Variants in PRPF8 observed in about 807,000 individuals in gnomAD.
PRPF8 encodes pre-mRNA processing factor 8.
PRPF8 carries 64 observed loss-of-function variants against 285.9 expected under a neutral mutation model. The observed-to-expected ratio is 0.22, with a 90% CI of 0.18 to 0.28. PRPF8 has a LOEUF of 0.28. Ranked by LOEUF, PRPF8 falls within the 10% of genes least tolerant of loss-of-function variation. The pLI is 1.00. For synonymous variants in PRPF8, 1,325 were observed against 1,118.2 expected (o/e 1.18, Z -3.69); for missense variants, 1,426 against 3,026.7 (o/e 0.47, Z 12.41).
rs558778125 is a variant in PRPF8, at chr17:1,658,408, T to G, written c.5377-27A>C. On this transcript the variant is annotated intron_variant, in intron 33 of 42. Coordinates refer to ENST00000304992, the MANE Select transcript of PRPF8 (RefSeq NM_006445.4). The surrounding 1 kb of genome is among the most constrained non-coding windows in gnomAD (Gnocchi z 4.1). ...TAGAGGAGGACGGCATTCGTTAGCA[T>G]GGCCTACACAACACATCCCCATCCT... is the stretch of plus-strand genomic sequence containing the variant. 4 of 1,614,084 alleles carry G rather than the reference T, an allele frequency of 2.5e-6. No homozygotes were observed. The highest frequency in any genetic ancestry group is 2.5e-6 in the Non-Finnish European group (3 of 1,180,044).
intron 24 of PRPF8, among the ~76,000 whole-genome samples, chr17:1,663,491 G>A (rs544773731): frequency 1.7e-4 from 26 of 150,030 alleles, no homozygotes; most frequent in East Asian, 9.9e-4. Flanking sequence ...GGCGGGCCTC[G>A]GGGTCAGGAG....
At position 1,681,832 on chromosome 17, in the gene PRPF8, C is replaced by T. The variant is rs1400838055; in HGVS notation, c.641G>A (p.Arg214Lys). 2 of 1,614,070 alleles carry T rather than the reference C, an allele frequency of 1.2e-6. No homozygotes were observed. Among genetic ancestry groups the T allele is most frequent in the Non-Finnish European group, 1.7e-6 (2 of 1,180,020 alleles). Residue 214 changes from arginine (R) to lysine (K), a missense_variant, in exon 5 of 43, where the codon AGG (arginine) becomes AAG (lysine). This residue lies in a region of PRPF8 where 157 missense variants were observed against 159.6 expected (regional missense o/e 0.98). Coordinates refer to ENST00000304992, the MANE Select transcript of PRPF8 (RefSeq NM_006445.4). ...LDWFYDHQPL[R>K]DSRKYVNGST... ...ATCTATCACTCACTTCCTGCTGTCCCTCAACGGCTGGTGGTCATAGAACCA... is the reference window on the plus strand; with the variant it reads ...ATCTATCACTCACTTCCTGCTGTCCTTCAACGGCTGGTGGTCATAGAACCA...
intron 34 of PRPF8, among the ~76,000 whole-genome samples, chr17:1,657,966 G>A (rs536668700): frequency 2.5e-4 from 32 of 130,238 alleles, no homozygotes; most frequent in East Asian, 2.0e-3. Flanking sequence ...GCGAGACTCC[G>A]GCTAAAAAAA....
Position 1,676,225 on chromosome 17 carries a change from C to T in PRPF8, c.2534G>A (p.Arg845Gln), listed in dbSNP as rs1912596279. The T allele has an allele frequency of 6.2e-7, 1 of 1,613,870 alleles. No individual in the cohort carries two copies. Among genetic ancestry groups the T allele is most frequent in the Non-Finnish European group, 8.5e-7 (1 of 1,180,030 alleles). The change falls in exon 17 of 43, where the codon CGG becomes CAG. Residue 845 changes from arginine (R) to glutamine (Q), a missense_variant. Arg to Gln is a conservative substitution (Grantham distance 43, BLOSUM62 1). Transcript: ENST00000304992. The surrounding 1 kb of genome is among the most constrained non-coding windows in gnomAD (Gnocchi z 6.3). The stretch of plus-strand genomic sequence containing the variant: ...TACTCACCTATAAGCTTCCTTGAGC[C>T]GCTCCAATGCCAAGATGAGCAACTT... ...DTKLLILALERLKEAYSVKSR... is the reference protein window; with the variant it reads ...DTKLLILALEQLKEAYSVKSR...
rs1911049822 is a variant in PRPF8 at position 1,651,353 on chromosome 17, TC to T, written c.6651-44del. The T allele has an allele frequency of 1.9e-6, 3 of 1,613,976 alleles. No homozygotes were observed. The East Asian group carries it at 6.7e-5, about 36-fold the overall frequency. ...ACAGAGTAACAGCTCAGGCCACTGT[TC>T]TGGGCCCTGGCCTGCAATCCCTGCC... On this transcript the variant is annotated intron_variant, in intron 41 of 42. Coordinates refer to ENST00000304992, the MANE Select transcript of PRPF8 (RefSeq NM_006445.4). The surrounding 1 kb of genome is among the most constrained non-coding windows in gnomAD (Gnocchi z 5.1).
intron 24 of PRPF8, among the ~76,000 whole-genome samples, chr17:1,664,644 G>T (rs1401365998): frequency 6.6e-6 from 1 of 151,038 alleles, no homozygotes; most frequent in Non-Finnish European, 1.5e-5. Context: ...ACCTCTAAAT[G>T]AATTAATTAT....
rs1379002460 is a variant in PRPF8, at chr17:1,655,450, C to G, written c.5887G>C (p.Glu1963Gln). 1 of 1,614,022 alleles carries G rather than the reference C, an allele frequency of 6.2e-7. No individual in the cohort carries two copies. The highest frequency in any genetic ancestry group is 1.7e-5 in the Admixed American group (1 of 59,988). Residue 1963 changes from glutamate to glutamine, a missense_variant, in exon 37 of 43, where the codon GAA becomes CAA. Around this residue, in one of 34 missense-constraint regions of PRPF8, gnomAD observed 35 missense variants for 47.7 expected, o/e 0.73. Coordinates refer to ENST00000304992, the MANE Select transcript of PRPF8 (RefSeq NM_006445.4). ...ILKPDKTTIT[E>Q]PHHIWPTLTD... is the part of the protein sequence containing the mutation. Reference sequence around the variant, plus strand: ...AGAGTGGGCCAGATGTGGTGTGGTTCTGTAATAGTAGTCTTGTCTGGCTTC... The same window carrying G: ...AGAGTGGGCCAGATGTGGTGTGGTTGTGTAATAGTAGTCTTGTCTGGCTTC...
intron 2 of PRPF8, 56 bp downstream of exon 2, chr17:1,684,416 C>G (rs1913116808): frequency 6.3e-7 from 1 of 1,586,550 alleles, no homozygotes; most frequent in Non-Finnish European, 8.6e-7. Context: ...CCCGCCTGCG[C>G]GCGCGCACAC....
At position 1,673,734 on chromosome 17, in the gene PRPF8, A is replaced by T. The variant is rs761695706; in HGVS notation, c.3446+12T>A. The T allele has an allele frequency of 5.0e-6, 8 of 1,613,376 alleles. No homozygotes were observed. The highest frequency in any genetic ancestry group is 2.7e-5 in the African/African-American group (2 of 74,840). On this transcript the variant is annotated intron_variant, in intron 22 of 42. Coordinates refer to ENST00000304992, the MANE Select transcript of PRPF8 (RefSeq NM_006445.4). This position sits in a 1 kb window ranked among gnomAD's most constrained non-coding sequence, Gnocchi z 5.5. ...TGTCCTTCCAGCTCACACAGCCCCAACCTAGACTCACAAGTTAACATCATG... is the reference window on the plus strand; with the variant it reads ...TGTCCTTCCAGCTCACACAGCCCCATCCTAGACTCACAAGTTAACATCATG...
At position 1,679,303 on chromosome 17, in the gene PRPF8, G is replaced by C. The variant is rs1262319457; in HGVS notation, c.1397C>G (p.Ala466Gly). 1.2e-6 allele frequency: 2 copies of C among 1,614,038 alleles called. No individual in the cohort carries two copies. The highest frequency in any genetic ancestry group is 3.3e-5 in the Admixed American group (2 of 59,996). The stretch of plus-strand genomic sequence containing the variant: ...TGGGGCACCTTACCTCTTCTTTTGA[G>C]CCTTAGGGGGCCGATGCTTCAGGGC... ...LNALKHRPPK[A>G]QKKRYLFRSF... The change falls in exon 10 of 43, where the codon GCT becomes GGT. Residue 466 changes from alanine (A) to glycine (G), a missense_variant. By Grantham distance (60) the Ala-to-Gly change is moderately conservative (BLOSUM62 0). Around this residue, in one of 34 missense-constraint regions of PRPF8, gnomAD observed 137 missense variants for 161.2 expected, o/e 0.85. Coordinates refer to ENST00000304992, the MANE Select transcript of PRPF8 (RefSeq NM_006445.4). The surrounding 1 kb of genome is among the most constrained non-coding windows in gnomAD (Gnocchi z 4.7).
intron 24 of PRPF8, among the ~76,000 whole-genome samples, chr17:1,670,882 T>C (rs1043725883): frequency 2.0e-5 from 3 of 151,178 alleles, no homozygotes; most frequent in African/African-American, 4.9e-5. Flanking sequence ...GCTGCAAGAG[T>C]GAATCATCTA....
chr17:1,653,622 T>C lies in PRPF8; in HGVS notation c.6289A>G (p.Ile2097Val), dbSNP rs2151111193. 2.5e-6 allele frequency: 4 copies of C among 1,614,208 alleles called. No individual in the cohort carries two copies. Among genetic ancestry groups the C allele is most frequent in the Non-Finnish European group, 3.4e-6 (4 of 1,180,040 alleles). ...TNHIYVSSDD[I>V]KETGYTYILP... ...ATGTAGGTGTAGCCAGTCTCCTTGA[T>C]GTCGTCAGATGAAACATAGATGTGA... The change falls in exon 39 of 43, where the codon ATC (isoleucine) becomes GTC (valine). Residue 2097 changes from isoleucine (I) to valine (V), a missense_variant. By Grantham distance (29) the Ile-to-Val change is conservative. Around this residue, in one of 34 missense-constraint regions of PRPF8, gnomAD observed 160 missense variants for 373.7 expected, o/e 0.43. Coordinates refer to ENST00000304992, the MANE Select transcript of PRPF8 (RefSeq NM_006445.4). The surrounding 1 kb of genome is among the most constrained non-coding windows in gnomAD (Gnocchi z 4.9).
At chr17:1,682,084 AACC>A (rs200119630) in intron 4 of PRPF8, 42 bp downstream of exon 4, 53,259 of 1,604,352 alleles carry the variant, frequency 0.033, 1,003 homozygotes, top group Middle Eastern at 0.042. Flanking sequence ...ACTGCCTCCC[AACC>A]ACCACCACCA....
chr17:1,681,003 C>A lies in PRPF8; in HGVS notation c.918G>T (p.Gln306His). Residue 306 changes from glutamine to histidine, a missense_variant, in exon 7 of 43, where the codon CAG becomes CAT. Around this residue, in one of 34 missense-constraint regions of PRPF8, gnomAD observed 157 missense variants for 159.6 expected, o/e 0.98. Coordinates refer to ENST00000304992, the MANE Select transcript of PRPF8 (RefSeq NM_006445.4). ...CAATCTTGTACTCAGTGCGGATAGG[C>A]TGCCGGATGATAATCTTGTTAATAT... ...FNDINKIIIR[Q>H]PIRTEYKIAF... is the part of the protein sequence containing the mutation. 6.2e-7 allele frequency: 1 copy of A among 1,613,140 alleles called. No homozygotes were observed. Among genetic ancestry groups the A allele is most frequent in the Non-Finnish European group, 8.5e-7 (1 of 1,179,202 alleles).
rs765285114 is a variant in PRPF8 at position 1,651,854 on chromosome 17, CCT to C, written c.6370-68_6370-67del. Reference sequence around the variant, plus strand: ...CCAGGTCAGAGTTGGAGCTGCCAGCCCTCTGTTTCCTTCCTTCCCCCAAGAAC... The same window carrying C: ...CCAGGTCAGAGTTGGAGCTGCCAGCCCTGTTTCCTTCCTTCCCCCAAGAAC... On this transcript the variant is annotated intron_variant, in intron 39 of 42. Transcript: ENST00000304992. The surrounding 1 kb of genome is among the most constrained non-coding windows in gnomAD (Gnocchi z 5.1). 333 of 1,564,960 alleles carry C rather than the reference CCT, an allele frequency of 2.1e-4. No homozygotes were observed. The highest frequency in any genetic ancestry group is 2.5e-4 in the Non-Finnish European group (285 of 1,138,202).
Position 1,659,087 on chromosome 17 carries a change from G to A in PRPF8, c.5138+270C>T. ...GTCGCCCAGGCTGGAGTGCAGTGGCGCAATCTCGGTTCACTGCAAGCTCCG... is the reference window on the plus strand; with the variant it reads ...GTCGCCCAGGCTGGAGTGCAGTGGCACAATCTCGGTTCACTGCAAGCTCCG... On this transcript the variant is annotated intron_variant, in intron 32 of 42. Coordinates refer to ENST00000304992, the MANE Select transcript of PRPF8 (RefSeq NM_006445.4). This position sits in a 1 kb window ranked among gnomAD's most constrained non-coding sequence, Gnocchi z 5.1. 8.4e-6 allele frequency: 5 copies of A among 596,172 alleles called. No homozygotes were observed. The highest frequency in any genetic ancestry group is 3.0e-5 in the East Asian group (1 of 33,738). 36.9% of individuals were successfully genotyped at this position (596,172 alleles called of 1,614,324 possible). A position where few individuals can be genotyped will look rare whatever the true frequency, so the allele number is the denominator to read the frequency against.
chr17:1,659,238 C>G lies in PRPF8; in HGVS notation c.5138+119G>C. The G allele has an allele frequency of 8.6e-7, 1 of 1,167,910 alleles. No individual in the cohort carries two copies. The highest frequency in any genetic ancestry group is 1.3e-6 in the Non-Finnish European group (1 of 788,664). 72.3% of individuals were successfully genotyped at this position (1,167,910 alleles called of 1,614,324 possible). ...ACAGGGTTTCACCATGTTGCCCAGA[C>G]TGGTCTCAAACTCCTGAGCTCAGAC... is the stretch of plus-strand genomic sequence containing the variant. On this transcript the variant is annotated intron_variant, in intron 32 of 42. Transcript: ENST00000304992. The surrounding 1 kb of genome is among the most constrained non-coding windows in gnomAD (Gnocchi z 5.1).
At position 1,676,105 on chromosome 17, in the gene PRPF8, C is replaced by T. The variant is rs1912590252; in HGVS notation, c.2553-51G>A. 2 of 1,612,228 alleles carry T rather than the reference C, an allele frequency of 1.2e-6. No individual in the cohort carries two copies. Among genetic ancestry groups the T allele is most frequent in the Non-Finnish European group, 8.5e-7 (1 of 1,179,940 alleles). ...ATGGGAAAACTAGGAGGAAGTAAAA[C>T]CAGGAAAGACTGGGGCTACACCTTC... On this transcript the variant is annotated intron_variant, in intron 17 of 42. Transcript: ENST00000304992. The surrounding 1 kb of genome is among the most constrained non-coding windows in gnomAD (Gnocchi z 6.3).
intron 14 of PRPF8, 26 bp downstream of exon 14, chr17:1,677,539 A>G: frequency 3.1e-6 from 5 of 1,613,998 alleles, no homozygotes; most frequent in Non-Finnish European, 4.2e-6. Context: ...TAACAGGAGA[A>G]GTTGGACACA....
Sources: allele counts gnomAD v4.1 joint callset (sites outside exome capture counted in the v4.1 genomes callset), GRCh38; gene constraint gnomAD v4.1.1; regional missense constraint gnomAD v4.1.1; non-coding constraint Gnocchi (gnomAD v3.1); transcripts MANE v1.5; gene names NCBI Gene and HGNC (gene_info 2026-07-23, HGNC 2026-07-21).